The following MSH3 variants were observed in gnomAD, a reference collection of about 807,000 sequenced individuals.
The protein encoded by MSH3 is mutS homolog 3.
In MSH3, 106 loss-of-function variants were observed where a neutral mutation model predicts 123.3. The ratio of observed to expected loss-of-function variants is 0.86; its 90% CI spans 0.73 to 1.01. The LOEUF is 1.01. Among genes scored for constraint, MSH3 ranks in the 50% least tolerant of loss-of-function variants. The pLI is 0.00. For missense variants in MSH3, 1,459 were observed against 1,347.6 expected, an observed-to-expected ratio of 1.08 and a Z score of -1.29; for synonymous variants, 515 against 481.4, an observed-to-expected ratio of 1.07 and a Z score of -0.91.
chr5:80,680,503 G>A (rs861372), intron 8 of MSH3, among the ~76,000 whole-genome samples: 38,077 of 150,370 alleles, frequency 0.25, 4,899 homozygotes, highest in Middle Eastern at 0.33. Flanking sequence ...CATTATTTCC[G>A]TGTGTGTATA....
Position 80,672,413 on chromosome 5 carries a change from G to A in MSH3, c.909+53G>A, listed in dbSNP as rs79682651. On this transcript the variant is annotated intron_variant, in intron 5 of 23. Coordinates refer to ENST00000265081, the MANE Select transcript of MSH3 (RefSeq NM_002439.5). ...AAGGAAATTGGGATTCTCCTCCAGAGAGTGCAAACGTGTTTTGTAAGGTGG... is the reference window on the plus strand; with the variant it reads ...AAGGAAATTGGGATTCTCCTCCAGAAAGTGCAAACGTGTTTTGTAAGGTGG... 1,038 of 1,319,950 alleles carry A rather than the reference G, an allele frequency of 7.9e-4. 9 individuals carry two copies. The African/African-American group carries it at 0.013, about 17-fold the overall frequency. The allele number at this position is 1,319,950 out of a possible 1,614,324, so 81.8% of individuals were successfully genotyped here. A position where few individuals can be genotyped will look rare whatever the true frequency, so the allele number is the denominator to read the frequency against.
intron 8 of MSH3, among the ~76,000 whole-genome samples, chr5:80,716,583 T>C (rs1750966289): frequency 6.6e-6 from 1 of 152,112 alleles, no homozygotes; most frequent in African/African-American, 2.4e-5. Context: ...GAGAAACTTA[T>C]ATTTTTTTAC....
chr5:80,656,262 AG>A, intron 1 of MSH3, 148 bp from the exon 2 acceptor site: 2 of 1,012,402 alleles, frequency 2.0e-6, no homozygotes, highest in Non-Finnish European at 3.0e-6. Flanking sequence ...GTTCACCCAT[AG>A]GGTTTTCCAG....
At chr5:80,670,013 T>C in intron 3 of MSH3, 84 bp from the exon 4 acceptor site, 1 of 1,282,286 alleles carries the variant, frequency 7.8e-7, no homozygotes, top group South Asian at 1.3e-5. Context: ...GTGTTAGCTT[T>C]TTGCCAGATT....
chr5:80,829,283 G>A (rs1745378332), intron 20 of MSH3, among the ~76,000 whole-genome samples: 1 of 152,190 alleles, frequency 6.6e-6, no homozygotes. Flanking sequence ...GAAAAGGAGT[G>A]GTAAGAGGTG....
At chr5:80,662,988 G>A (rs1161776733) in intron 2 of MSH3, among the ~76,000 whole-genome samples, 2 of 152,004 alleles carry the variant, frequency 1.3e-5, no homozygotes, top group East Asian at 1.9e-4. Flanking sequence ...TATTCCTAAC[G>A]CTTTGAGAGG....
chr5:80,721,587 T>A (rs957871887), intron 8 of MSH3, among the ~76,000 whole-genome samples: 5 of 152,206 alleles, frequency 3.3e-5, no homozygotes, highest in South Asian at 2.1e-4. Context: ...CTGATAGCAT[T>A]TGTATCTTAT....
In MSH3 at chr5:80,658,037, C is replaced by CTTTTTTTTTTTTTTTTTTT. The variant is rs397942439; in HGVS notation, c.358+1519_358+1520insTTTTTTTTTTTTTTTTTTT. Among the ~76,000 whole-genome samples the CTTTTTTTTTTTTTTTTTTT allele has an allele frequency of 5.1e-5, 6 of 116,620 alleles. 1 individual carries two copies. Among genetic ancestry groups the CTTTTTTTTTTTTTTTTTTT allele is most frequent in the South Asian group, 5.1e-4 (2 of 3,950 alleles). 76.5% of individuals were successfully genotyped at this position (116,620 alleles called of 152,430 possible). A position where few individuals can be genotyped will look rare whatever the true frequency, so the allele number is the denominator to read the frequency against. On this transcript the variant is annotated intron_variant, in intron 2 of 23. Coordinates refer to ENST00000265081, the MANE Select transcript of MSH3 (RefSeq NM_002439.5). ...TTTTCCTAAGAATGCTTTTTGCCCT[C>CTTTTTTTTTTTTTTTTTTT]TTTTTTTTTTTTTGAGATAGGGTCT...
intron 22 of MSH3, among the ~76,000 whole-genome samples, chr5:80,865,980 A>T (rs1299286048): frequency 6.6e-6 from 1 of 152,228 alleles, no homozygotes; most frequent in East Asian, 1.9e-4. Flanking sequence ...GGTTGACAAG[A>T]GGAGACTTAA....
At chr5:80,867,677 T>G (rs1746129655) in intron 22 of MSH3, among the ~76,000 whole-genome samples, 1 of 152,182 alleles carries the variant, frequency 6.6e-6, no homozygotes, top group Admixed American at 6.5e-5. Flanking sequence ...GTTTTGAGAT[T>G]TTTCATGAAT....
chr5:80,875,315 A>C (rs33003), intron 23 of MSH3, among the ~76,000 whole-genome samples: 2 of 149,824 alleles, frequency 1.3e-5, no homozygotes, highest in Admixed American at 1.3e-4. Flanking sequence ...TATTCTGCAG[A>C]AAAAAAAAAA....
At chr5:80,778,976 A>AT in intron 17 of MSH3, 140 bp downstream of exon 17, 9 of 439,738 alleles carry the variant, frequency 2.0e-5, no homozygotes, top group South Asian at 1.0e-4. Flanking sequence ...CTCTGATTTT[A>AT]TTTCTTTTTT....
chr5:80,841,865 C>T (rs1745631121), intron 20 of MSH3, among the ~76,000 whole-genome samples: 1 of 152,194 alleles, frequency 6.6e-6, no homozygotes, highest in Non-Finnish European at 1.5e-5. Flanking sequence ...TGCCTGTTCA[C>T]TCTGATGACA....
chr5:80,743,340 T>C (rs1242253080), intron 11 of MSH3, among the ~76,000 whole-genome samples: 1 of 152,190 alleles, frequency 6.6e-6, no homozygotes, highest in Admixed American at 6.5e-5. Context: ...GTACCTTCTC[T>C]GTGCTCTCTC....
At chr5:80,749,870 A>G (rs1288425137) in intron 12 of MSH3, among the ~76,000 whole-genome samples, 1 of 151,694 alleles carries the variant, frequency 6.6e-6, no homozygotes, top group South Asian at 2.1e-4. Flanking sequence ...TTCCCCATCT[A>G]CCCTCTCCCC....
In MSH3 at chr5:80,728,869, G is replaced by T. The variant is rs749116282; in HGVS notation, c.1472G>T (p.Gly491Val). ...TTTCTAGGTTCTCAAATTATTTCTG[G>T]CATTGTTAACTTAGAGAAGCCTGTG... ...VDIKGSQIIS[G>V]IVNLEKPVIC... Residue 491 changes from glycine (G) to valine (V), a missense_variant, in exon 10 of 24, where the codon GGC becomes GTC. Gly to Val is a moderately radical substitution (Grantham distance 109). Transcript: ENST00000265081. 32 of 1,595,552 alleles carry T rather than the reference G, an allele frequency of 2.0e-5. No homozygotes were observed. The highest frequency in any genetic ancestry group is 1.7e-4 in the Admixed American group (10 of 59,898).
chr5:80,817,699 T>C (rs941687460), intron 20 of MSH3, among the ~76,000 whole-genome samples: 1 of 152,114 alleles, frequency 6.6e-6, no homozygotes, highest in Admixed American at 6.6e-5. Flanking sequence ...TCCTATCTTT[T>C]CAAATAGGTA....
intron 19 of MSH3, among the ~76,000 whole-genome samples, chr5:80,803,400 G>T (rs1313386254): frequency 1.3e-5 from 2 of 151,586 alleles, no homozygotes. Flanking sequence ...AAGATCTTTT[G>T]CCCATTTTTA....
rs183381003 is a variant in MSH3 at position 80,721,923 on chromosome 5, A to G, written c.1341-3530A>G. Among the ~76,000 whole-genome samples, 310 of 152,192 alleles carry G rather than the reference A, an allele frequency of 2.0e-3. 2 individuals are homozygous for G. Among genetic ancestry groups the G allele is most frequent in the African/African-American group, 7.2e-3 (298 of 41,534 alleles). ...CCATTTGTGTTTCTGTGTTTTCTGT[A>G]TCTTTTACATATGTCTACCACATTA... On this transcript the variant is annotated intron_variant, in intron 8 of 23. Transcript: ENST00000265081.
Sources: gnomAD v4.1 joint callset for allele counts (sites outside exome capture counted in the v4.1 genomes callset) on GRCh38, gnomAD v4.1.1 for gene constraint, MANE v1.5 for transcripts, NCBI Gene and HGNC (gene_info 2026-07-23, HGNC 2026-07-21) for gene names.